The following HPS5 variants were observed in gnomAD, a reference collection of about 807,000 sequenced individuals.
HPS5 encodes HPS5 biogenesis of lysosomal organelles complex 2 subunit 2, also known as BLOC-2 complex member HPS5.
A neutral mutation model predicts 128.0 loss-of-function variants in HPS5; 83 were observed. The ratio of observed to expected loss-of-function variants is 0.65; its 90% CI spans 0.54 to 0.78. HPS5 has a LOEUF of 0.78. Ranked by LOEUF, HPS5 falls within the 30% of genes least tolerant of loss-of-function variation. The pLI, the probability that HPS5 is intolerant of heterozygous loss-of-function variation, is 0.00. For synonymous variants in HPS5, 475 were observed against 470.2 expected, an observed-to-expected ratio of 1.01 and a Z score of -0.13; for missense variants, 1,281 against 1,326.2, an observed-to-expected ratio of 0.97 and a Z score of 0.53.
intron 18 of HPS5, 66 bp from the exon 19 acceptor site, chr11:18,286,776 G>A: frequency 6.2e-7 from 1 of 1,600,728 alleles, no homozygotes; most frequent in Non-Finnish European, 8.5e-7. Context: ...AAAATGTGGG[G>A]AGTGTGAAGA....
chr11:18,305,732 CTT>C (rs11345742), intron 7 of HPS5, among the ~76,000 whole-genome samples: 142 of 119,866 alleles, frequency 1.2e-3, no homozygotes, highest in Admixed American at 2.0e-3. Context: ...AGAATAAAAT[CTT>C]TTTTTTTTTT....
chr11:18,305,380 T>C, intron 8 of HPS5, 42 bp downstream of exon 8: 1 of 1,267,182 alleles, frequency 7.9e-7, no homozygotes, highest in Non-Finnish European at 1.2e-6. Context: ...AAAATCTAAG[T>C]ATTCTTTTTC....
rs545874158 is a variant in HPS5, at chr11:18,314,243, C to G, written c.109-2219G>C. Reference sequence around the variant, plus strand: ...GCAACATAGTAAGACCGCATCCCCCCTCCCCCGACCAGCCGTCTCAAAAAA... The same window carrying G: ...GCAACATAGTAAGACCGCATCCCCCGTCCCCCGACCAGCCGTCTCAAAAAA... On this transcript the variant is annotated intron_variant, in intron 2 of 22. Coordinates refer to ENST00000349215, the MANE Select transcript of HPS5 (RefSeq NM_181507.2). 3.3e-5 allele frequency among the ~76,000 whole-genome samples: 5 copies of G among 151,978 alleles called. No homozygotes were observed. In the East Asian group the frequency reaches 5.9e-4, roughly 18 times the overall value.
chr11:18,296,588 G>A, intron 12 of HPS5: 1 of 658,780 alleles, frequency 1.5e-6, no homozygotes, highest in Non-Finnish European at 2.7e-6. Flanking sequence ...AGGCCCTAAT[G>A]TTAGTCCAAA....
chr11:18,318,578 A>G (rs1384700210), intron 1 of HPS5, among the ~76,000 whole-genome samples: 1 of 152,246 alleles, frequency 6.6e-6, no homozygotes, highest in Non-Finnish European at 1.5e-5. Flanking sequence ...AGGACTTTGT[A>G]AAGTAACACG....
chr11:18,308,321 T>C (rs1166118474), intron 6 of HPS5, among the ~76,000 whole-genome samples: 1 of 152,164 alleles, frequency 6.6e-6, no homozygotes, highest in Admixed American at 6.6e-5. Flanking sequence ...ATAAAACAAA[T>C]CTTGAAAACA....
Position 18,317,833 on chromosome 11 carries a change from T to G in HPS5, c.26A>C (p.Glu9Ala). 3.1e-6 allele frequency: 5 copies of G among 1,613,720 alleles called. No homozygotes were observed. In the South Asian group the frequency reaches 5.5e-5, roughly 18 times the overall value. The change falls in exon 2 of 23, where the codon GAG becomes GCG. Residue 9 changes from glutamate to alanine, a missense_variant. By Grantham distance (107) the Glu-to-Ala change is moderately radical. Coordinates refer to ENST00000349215, the MANE Select transcript of HPS5 (RefSeq NM_181507.2). Reference sequence around the variant, plus strand: ...CTCTGCAAGAACATGGCTGTAGGACTCTGGTATCACTGGCACAAAAGCCAT... The same window carrying G: ...CTCTGCAAGAACATGGCTGTAGGACGCTGGTATCACTGGCACAAAAGCCAT... MAFVPVIP[E>A]SYSHVLAEFE...
At chr11:18,316,427 G>A (rs181676011) in intron 2 of HPS5, among the ~76,000 whole-genome samples, 1 of 152,284 alleles carries the variant, frequency 6.6e-6, no homozygotes, top group East Asian at 1.9e-4. Context: ...GTCTTTGTGA[G>A]ATATACTCAT....
chr11:18,301,970 T>C (rs4353250), intron 8 of HPS5, among the ~76,000 whole-genome samples: 110,257 of 151,840 alleles, frequency 0.73, 40,474 homozygotes, highest in East Asian at 0.97. Flanking sequence ...ACTAACCTAC[T>C]CACTATTATC....
chr11:18,299,968 T>C (rs373418681), intron 9 of HPS5, among the ~76,000 whole-genome samples: 7 of 152,162 alleles, frequency 4.6e-5, no homozygotes, highest in African/African-American at 1.4e-4. Flanking sequence ...GACTAGATTC[T>C]GGGAAGGGTA....
chr11:18,282,058 C>A lies in HPS5; in HGVS notation c.3221G>T (p.Gly1074Val). Residue 1074 changes from glycine to valine, a missense_variant, in exon 22 of 23, where the codon GGC (glycine) becomes GTC (valine). By Grantham distance (109) the Gly-to-Val change is moderately radical (BLOSUM62 -3). Transcript: ENST00000349215. ...NVALLLAKAMGPDRAWSLLQE... is the reference protein window; with the variant it reads ...NVALLLAKAMVPDRAWSLLQE... ...TAGCAGTGACCAAGCCCGATCTGGGCCCATGGCCTTAGCTAACAGAAGTGC... is the reference window on the plus strand; with the variant it reads ...TAGCAGTGACCAAGCCCGATCTGGGACCATGGCCTTAGCTAACAGAAGTGC... 1 of 1,614,208 alleles carries A rather than the reference C, an allele frequency of 6.2e-7. No homozygotes were observed. The highest frequency in any genetic ancestry group is 1.1e-5 in the South Asian group (1 of 91,088).
chr11:18,315,207 C>T (rs1863473357), intron 2 of HPS5, among the ~76,000 whole-genome samples: 1 of 152,232 alleles, frequency 6.6e-6, no homozygotes, highest in Non-Finnish European at 1.5e-5. Flanking sequence ...GCTGACAGTT[C>T]TTAGAAGCTG....
At chr11:18,319,468 A>G (rs1864049815) in intron 1 of HPS5, among the ~76,000 whole-genome samples, 1 of 152,180 alleles carries the variant, frequency 6.6e-6, no homozygotes. Context: ...CAATAAGCAA[A>G]TATATAGAGA....
chr11:18,297,792 G>A (rs1481194788), intron 10 of HPS5, 75 bp from the exon 11 acceptor site: 1 of 1,431,432 alleles, frequency 7.0e-7, no homozygotes, highest in African/African-American at 1.4e-5. Context: ...TATTGAAAGA[G>A]GTCTAGGCCG....
chr11:18,280,545 C>T (rs1393018916), intron 22 of HPS5: 8 of 698,424 alleles, frequency 1.1e-5, no homozygotes, highest in Admixed American at 2.0e-5. Context: ...GGTATATACC[C>T]GAAAGAACTG....
At chr11:18,294,562 C>G (rs1191336111) in intron 14 of HPS5, among the ~76,000 whole-genome samples, 1 of 152,072 alleles carries the variant, frequency 6.6e-6, no homozygotes, top group African/African-American at 2.4e-5. Context: ...GGGAGTTATG[C>G]AGGGGAAAGA....
chr11:18,321,043 A>T (rs1169663414), intron 1 of HPS5, among the ~76,000 whole-genome samples: 1 of 152,270 alleles, frequency 6.6e-6, no homozygotes, highest in African/African-American at 2.4e-5. Context: ...AACAGTATAA[A>T]GAGGAACAGC....
chr11:18,285,972 A>C (rs554007902), intron 19 of HPS5, among the ~76,000 whole-genome samples: 2 of 152,340 alleles, frequency 1.3e-5, no homozygotes, highest in South Asian at 4.1e-4. Flanking sequence ...TTATCCTCTC[A>C]CAGGCTTAAT....
intron 1 of HPS5, among the ~76,000 whole-genome samples, chr11:18,320,918 TTACA>T (rs1864240803): frequency 6.6e-6 from 1 of 152,188 alleles, no homozygotes; most frequent in Non-Finnish European, 1.5e-5. Flanking sequence ...AAGAAATTGT[TTACA>T]TAAATAAAAT....
Sources: gnomAD v4.1 joint callset for allele counts (sites outside exome capture counted in the v4.1 genomes callset) on GRCh38, gnomAD v4.1.1 for gene constraint, MANE v1.5 for transcripts, NCBI Gene and HGNC (gene_info 2026-07-23, HGNC 2026-07-21) for gene names.